The following CPNE8 variants were observed in gnomAD, a reference collection of about 807,000 sequenced individuals.
The protein encoded by CPNE8 is copine 8.
A neutral mutation model predicts 81.5 loss-of-function variants in CPNE8; 45 were observed. That is an observed-to-expected ratio of 0.55 (90% CI 0.44 to 0.71). The LOEUF is 0.71. Ranked by LOEUF, CPNE8 falls within the 30% of genes least tolerant of loss-of-function variation. CPNE8 has a pLI of 0.00. For synonymous variants in CPNE8, 252 were observed against 226.3 expected (o/e 1.11, Z -1.02); for missense variants, 594 against 672.1 (o/e 0.88, Z 1.28).
intron 18 of CPNE8, 80 bp from the exon 19 acceptor site, chr12:38,670,882 T>C (rs1939160212): frequency 3.0e-6 from 3 of 992,190 alleles, no homozygotes; most frequent in Non-Finnish European, 3.1e-6. Context: ...GAAATCAAGA[T>C]GTATGAAGTA....
At chr12:38,673,661 C>G (rs114942023) in intron 18 of CPNE8, among the ~76,000 whole-genome samples, 2 of 152,108 alleles carry the variant, frequency 1.3e-5, no homozygotes, top group Admixed American at 6.6e-5. Context: ...GTTACAGGAG[C>G]CTAATTCCCT....
intron 6 of CPNE8, 46 bp downstream of exon 6, chr12:38,829,333 A>G: frequency 7.6e-7 from 1 of 1,313,404 alleles, no homozygotes; most frequent in South Asian, 1.2e-5. Flanking sequence ...ACAAAATAGA[A>G]ACTGTTAAAG....
chr12:38,655,211 A>G (rs556468959), intron 19 of CPNE8, among the ~76,000 whole-genome samples: 6 of 152,282 alleles, frequency 3.9e-5, no homozygotes, highest in South Asian at 2.1e-4. Flanking sequence ...AATGATTACT[A>G]TATCTTTATA....
intron 10 of CPNE8, among the ~76,000 whole-genome samples, chr12:38,731,014 T>C (rs1188893231): frequency 1.3e-5 from 2 of 151,798 alleles, no homozygotes; most frequent in East Asian, 1.9e-4. Flanking sequence ...ACTAAAAAGC[T>C]TTCATCAACT....
At chr12:38,891,969 TAAGTCA>T (rs1944320153) in intron 1 of CPNE8, among the ~76,000 whole-genome samples, 1 of 152,228 alleles carries the variant, frequency 6.6e-6, no homozygotes, top group Non-Finnish European at 1.5e-5. Context: ...TAAAAAATTT[TAAGTCA>T]AAATAAAACA....
At chr12:38,882,578 G>A (rs953665295) in intron 1 of CPNE8, among the ~76,000 whole-genome samples, 1 of 152,078 alleles carries the variant, frequency 6.6e-6, no homozygotes, top group East Asian at 1.9e-4. Context: ...CAAGCAAGAC[G>A]CCTCAGTAAC....
At chr12:38,780,975 A>C (rs1444849322) in intron 6 of CPNE8, among the ~76,000 whole-genome samples, 1 of 152,036 alleles carries the variant, frequency 6.6e-6, no homozygotes, top group Non-Finnish European at 1.5e-5. Context: ...ACTAATGTTA[A>C]AAACTAAAAT....
chr12:38,773,986 A>T (rs1471275314), intron 7 of CPNE8, among the ~76,000 whole-genome samples: 1 of 152,174 alleles, frequency 6.6e-6, no homozygotes, highest in Admixed American at 6.5e-5. Context: ...ATTTCTAAGT[A>T]TGAGAAATAT....
chr12:38,890,958 AC>A (rs1260277872), intron 1 of CPNE8, among the ~76,000 whole-genome samples: 1 of 150,996 alleles, frequency 6.6e-6, no homozygotes, highest in African/African-American at 2.4e-5. Context: ...AAAGAGTCTC[AC>A]TCTGTCACCC....
At chr12:38,697,568 G>A (rs954966512) in intron 14 of CPNE8, among the ~76,000 whole-genome samples, 10 of 152,080 alleles carry the variant, frequency 6.6e-5, no homozygotes, top group Admixed American at 5.9e-4. Context: ...ACAATGTGAG[G>A]AACTTAGCAA....
chr12:38,696,159 A>G (rs1939791315), intron 14 of CPNE8, among the ~76,000 whole-genome samples: 1 of 152,106 alleles, frequency 6.6e-6, no homozygotes, highest in South Asian at 2.1e-4. Context: ...GATGTTACCT[A>G]TCTCTTTCCA....
intron 6 of CPNE8, among the ~76,000 whole-genome samples, chr12:38,780,555 T>C (rs901926610): frequency 4.6e-5 from 7 of 151,764 alleles, no homozygotes; most frequent in South Asian, 2.1e-4. Context: ...GATAGGAGCA[T>C]GGAAAAACGT....
chr12:38,703,294 C>T lies in CPNE8; in HGVS notation c.915-373G>A, dbSNP rs1177864135. Among the ~76,000 whole-genome samples, 3 of 152,062 alleles carry T rather than the reference C, an allele frequency of 2.0e-5. No individual in the cohort carries two copies. The East Asian group carries it at 5.8e-4, about 29-fold the overall frequency. ...GTTTCCAAAATTGTTCTGTAGTAAT[C>T]GTGAAATTAGCATGTCCTTTAAAGT... On this transcript the variant is annotated intron_variant, in intron 13 of 19. Transcript: ENST00000331366.
intron 4 of CPNE8, among the ~76,000 whole-genome samples, chr12:38,846,913 T>G (rs1296267276): frequency 6.6e-6 from 1 of 152,146 alleles, no homozygotes; most frequent in African/African-American, 2.4e-5. Flanking sequence ...ACAGTTATTT[T>G]GAACAATGGA....
At chr12:38,813,182 A>G (rs926158602) in intron 6 of CPNE8, among the ~76,000 whole-genome samples, 9 of 152,220 alleles carry the variant, frequency 5.9e-5, no homozygotes, top group African/African-American at 2.2e-4. Context: ...GCTGAATTTT[A>G]TATCTTATTC....
At chr12:38,683,279 A>G (rs1055094135) in intron 16 of CPNE8, among the ~76,000 whole-genome samples, 6 of 152,166 alleles carry the variant, frequency 3.9e-5, no homozygotes, top group African/African-American at 1.4e-4. Context: ...TAAGGAAAAT[A>G]ATATCAAGCC....
At chr12:38,666,188 C>T (rs1021927114) in intron 19 of CPNE8, among the ~76,000 whole-genome samples, 1 of 152,122 alleles carries the variant, frequency 6.6e-6, no homozygotes, top group Non-Finnish European at 1.5e-5. Flanking sequence ...ATGGATCTGA[C>T]TTGAATTGAT....
intron 19 of CPNE8, among the ~76,000 whole-genome samples, chr12:38,658,420 T>C (rs1053432443): frequency 3.3e-5 from 5 of 152,076 alleles, no homozygotes; most frequent in Admixed American, 6.5e-5. Flanking sequence ...AAATCTACGT[T>C]TGATTGGTGT....
intron 19 of CPNE8, among the ~76,000 whole-genome samples, chr12:38,664,793 G>T (rs551537861): frequency 2.0e-5 from 3 of 152,152 alleles, no homozygotes; most frequent in Admixed American, 1.3e-4. Flanking sequence ...CCTAGGATGG[G>T]AGTATACATC....
Sources: allele counts gnomAD v4.1 joint callset (sites outside exome capture counted in the v4.1 genomes callset), GRCh38; gene constraint gnomAD v4.1.1; transcripts MANE v1.5; gene names NCBI Gene and HGNC (gene_info 2026-07-23, HGNC 2026-07-21).